Variants in PRKCE observed in about 807,000 individuals in gnomAD.
The protein encoded by PRKCE is protein kinase C epsilon, also known as protein kinase C epsilon type.
In PRKCE, 16 loss-of-function variants were observed where a neutral mutation model predicts 85.4. The ratio of observed to expected loss-of-function variants is 0.19; its 90% CI spans 0.13 to 0.28. PRKCE has a LOEUF of 0.28. Among genes scored for constraint, PRKCE ranks in the 10% least tolerant of loss-of-function variants. The pLI is 1.00. For synonymous variants in PRKCE, 388 were observed against 371.5 expected, an observed-to-expected ratio of 1.04 and a Z score of -0.51; for missense variants, 573 against 975.2, an observed-to-expected ratio of 0.59 and a Z score of 5.49.
chr2:46,166,149 C>T (rs1462381800), intron 14 of PRKCE, among the ~76,000 whole-genome samples: 3 of 152,224 alleles, frequency 2.0e-5, no homozygotes, highest in Non-Finnish European at 4.4e-5. Flanking sequence ...GAGAGAAAAC[C>T]TGGGAAGTGG....
At chr2:46,125,453 G>T (rs1673756297) in intron 11 of PRKCE, among the ~76,000 whole-genome samples, 1 of 152,188 alleles carries the variant, frequency 6.6e-6, no homozygotes, top group African/African-American at 2.4e-5. Context: ...CTGAAAAAGA[G>T]AAATATTTTC....
intron 11 of PRKCE, among the ~76,000 whole-genome samples, chr2:46,110,841 T>A (rs1672190230): frequency 6.6e-6 from 1 of 152,162 alleles, no homozygotes; most frequent in African/African-American, 2.4e-5. Context: ...TATAAAATTC[T>A]GTTTAAACAC....
At chr2:45,995,766 C>G (rs1704163438) in intron 6 of PRKCE, among the ~76,000 whole-genome samples, 1 of 152,118 alleles carries the variant, frequency 6.6e-6, no homozygotes. Context: ...TATAGTAAGT[C>G]TTGAAATTGG....
intron 1 of PRKCE, among the ~76,000 whole-genome samples, chr2:45,674,500 T>C (rs1676328356): frequency 6.6e-6 from 1 of 152,196 alleles, no homozygotes; most frequent in African/African-American, 2.4e-5. Flanking sequence ...CTAGGGATCT[T>C]TACATGAGCC....
chr2:45,702,289 G>A lies in PRKCE; in HGVS notation c.348+49841G>A, dbSNP rs564068733. ...AGATGTGGAAATCTACCTGGTTTTA[G>A]TAGCTGGTAAGGAGGCTTTAGTGTT... is the stretch of plus-strand genomic sequence containing the variant. On this transcript the variant is annotated intron_variant, in intron 1 of 14. Coordinates refer to ENST00000306156, the MANE Select transcript of PRKCE (RefSeq NM_005400.3). 5.2e-4 allele frequency among the ~76,000 whole-genome samples: 79 copies of A among 152,324 alleles called. 1 individual carries two copies. The South Asian group carries it at 8.7e-3, about 17-fold the overall frequency.
intron 13 of PRKCE, among the ~76,000 whole-genome samples, chr2:46,153,835 G>A (rs1676899209): frequency 6.9e-6 from 1 of 145,698 alleles, no homozygotes. Context: ...CACCCAGGCT[G>A]GAGTGCAGCG....
rs76115187 is a variant in PRKCE at position 46,007,535 on chromosome 2, A to T, written c.1137A>T (p.Ala379=). 1 of 1,599,810 alleles carries T rather than the reference A, an allele frequency of 6.3e-7. No homozygotes were observed. The highest frequency in any genetic ancestry group is 8.5e-7 in the Non-Finnish European group (1 of 1,179,962). ...ACCGAGGAGAGGAGCACCGGGCAGCATCGTCTCCTGATGGCCAGCTGATGA... is the reference window on the plus strand; with the variant it reads ...ACCGAGGAGAGGAGCACCGGGCAGCTTCGTCTCCTGATGGCCAGCTGATGA... ...FDNRGEEHRA[A]SSPDGQLMSP... The change falls in exon 9 of 15, where the codon GCA becomes GCT. Residue 379 remains alanine (A), a synonymous_variant. Coordinates refer to ENST00000306156, the MANE Select transcript of PRKCE (RefSeq NM_005400.3).
chr2:45,820,325 C>T (rs1689428597), intron 1 of PRKCE, among the ~76,000 whole-genome samples: 1 of 151,970 alleles, frequency 6.6e-6, no homozygotes, highest in African/African-American at 2.4e-5. Flanking sequence ...GGGTGTGGAC[C>T]TGCCTGGTGG....
chr2:45,895,079 A>G lies in PRKCE; in HGVS notation c.412+52016A>G, dbSNP rs1696033820. On this transcript the variant is annotated intron_variant, in intron 2 of 14. Coordinates refer to ENST00000306156, the MANE Select transcript of PRKCE (RefSeq NM_005400.3). The surrounding 1 kb of genome is among the most constrained non-coding windows in gnomAD (Gnocchi z 4.8). ...TCAATGATTCCGTCTCTACCTGGGT[A>G]AACTTCAGAACTTAAGCATTAGTTG... Among the ~76,000 whole-genome samples, 1 of 152,200 alleles carries G rather than the reference A, an allele frequency of 6.6e-6. No individual in the cohort carries two copies. Among genetic ancestry groups the G allele is most frequent in the Admixed American group, 6.5e-5 (1 of 15,282 alleles).
chr2:46,109,278 G>C (rs1433546863), intron 11 of PRKCE, among the ~76,000 whole-genome samples: 2 of 152,084 alleles, frequency 1.3e-5, no homozygotes, highest in Non-Finnish European at 2.9e-5. Flanking sequence ...TAGATTTTAA[G>C]TTGGGGACAA....
intron 11 of PRKCE, among the ~76,000 whole-genome samples, chr2:46,127,131 T>C (rs2104380851): frequency 6.6e-6 from 1 of 152,314 alleles, no homozygotes; most frequent in South Asian, 2.1e-4. Context: ...GAATTCTAGA[T>C]GCTTCAGTGT....
chr2:45,664,947 G>T (rs1483669028), intron 1 of PRKCE, among the ~76,000 whole-genome samples: 2 of 152,224 alleles, frequency 1.3e-5, no homozygotes, highest in African/African-American at 2.4e-5. Context: ...CACACTGATT[G>T]TTCAGTTGTC....
chr2:46,018,319 A>C (rs1459188546), intron 10 of PRKCE, among the ~76,000 whole-genome samples: 1 of 152,096 alleles, frequency 6.6e-6, no homozygotes, highest in African/African-American at 2.4e-5. Flanking sequence ...CTGCTGAGGA[A>C]CACAGGTGTG....
chr2:45,877,804 A>G (rs1197564290), intron 2 of PRKCE, among the ~76,000 whole-genome samples: 1 of 152,190 alleles, frequency 6.6e-6, no homozygotes, highest in Non-Finnish European at 1.5e-5. Context: ...TGATTAACAT[A>G]ATTATTCACC....
intron 11 of PRKCE, among the ~76,000 whole-genome samples, chr2:46,130,210 A>G (rs901945756): frequency 1.3e-5 from 2 of 152,204 alleles, no homozygotes; most frequent in Admixed American, 1.3e-4. Flanking sequence ...AATAACACAA[A>G]GTATAATCTA....
At chr2:45,796,643 C>T (rs1687461083) in intron 1 of PRKCE, among the ~76,000 whole-genome samples, 1 of 152,098 alleles carries the variant, frequency 6.6e-6, no homozygotes, top group Admixed American at 6.5e-5. Context: ...TACTGGGTAC[C>T]TGGGGGGATG....
At chr2:46,111,802 G>A (rs1250429951) in intron 11 of PRKCE, among the ~76,000 whole-genome samples, 1 of 152,196 alleles carries the variant, frequency 6.6e-6, no homozygotes, top group Non-Finnish European at 1.5e-5. Flanking sequence ...GAAGACTGAT[G>A]TCTTCGTTTC....
intron 10 of PRKCE, among the ~76,000 whole-genome samples, chr2:46,044,569 G>C (rs747487768): frequency 6.6e-6 from 1 of 152,184 alleles, no homozygotes; most frequent in Non-Finnish European, 1.5e-5. Context: ...TGAGTTGAGA[G>C]AGTTGCTAAC....
At chr2:45,763,014 C>T (rs1420006828) in intron 1 of PRKCE, among the ~76,000 whole-genome samples, 12 of 151,036 alleles carry the variant, frequency 7.9e-5, no homozygotes, top group African/African-American at 2.9e-4. Context: ...TGCAGTGGCG[C>T]GATCTCGGCT....
Sources: allele counts gnomAD v4.1 joint callset (sites outside exome capture counted in the v4.1 genomes callset), GRCh38; gene constraint gnomAD v4.1.1; non-coding constraint Gnocchi (gnomAD v3.1); transcripts MANE v1.5; gene names NCBI Gene and HGNC (gene_info 2026-07-23, HGNC 2026-07-21).